Variants in SNTB1 observed in about 807,000 individuals in gnomAD.
SNTB1 encodes the protein syntrophin beta 1.
Under a neutral mutation model 48.9 loss-of-function variants are expected in SNTB1, and 36 were observed. The ratio of observed to expected loss-of-function variants is 0.74; its 90% confidence interval spans 0.56 to 0.97. SNTB1 has a LOEUF of 0.97. Ranked by LOEUF, SNTB1 falls within the 50% of genes least tolerant of loss-of-function variation. The pLI is 0.00. For synonymous variants in SNTB1, 299 were observed against 294.6 expected (o/e 1.01, Z -0.15); for missense variants, 786 against 703.4 (o/e 1.12, Z -1.33).
intron 1 of SNTB1, among the ~76,000 whole-genome samples, chr8:120,788,767 G>T (rs550578819): frequency 6.6e-6 from 1 of 152,068 alleles, no homozygotes; most frequent in African/African-American, 2.4e-5. Flanking sequence ...TATATGAAAA[G>T]AAATAGTCAG....
intron 1 of SNTB1, among the ~76,000 whole-genome samples, chr8:120,712,073 A>G (rs1818472876): frequency 6.6e-6 from 1 of 152,208 alleles, no homozygotes; most frequent in Non-Finnish European, 1.5e-5. Flanking sequence ...GGAATTGTAG[A>G]TTTATAAGTG....
intron 1 of SNTB1, among the ~76,000 whole-genome samples, chr8:120,778,749 T>C (rs895505610): frequency 6.6e-6 from 1 of 152,192 alleles, no homozygotes; most frequent in African/African-American, 2.4e-5. Flanking sequence ...CCTTGACATA[T>C]ATTAACTGCT....
intron 2 of SNTB1, among the ~76,000 whole-genome samples, chr8:120,647,597 A>C (rs1221042972): frequency 3.4e-5 from 5 of 146,896 alleles, no homozygotes; most frequent in Admixed American, 6.7e-5. Flanking sequence ...TATGTGGTCA[A>C]TTTTGGAATA....
At chr8:120,781,795 T>C (rs1819833998) in intron 1 of SNTB1, among the ~76,000 whole-genome samples, 2 of 152,166 alleles carry the variant, frequency 1.3e-5, no homozygotes, top group Admixed American at 1.3e-4. Context: ...ATGTCTAATG[T>C]TAAAGAGAAG....
chr8:120,773,651 G>C (rs746750599), intron 1 of SNTB1, among the ~76,000 whole-genome samples: 1 of 152,126 alleles, frequency 6.6e-6, no homozygotes, highest in Non-Finnish European at 1.5e-5. Context: ...AGCAGGGCAA[G>C]TATGGGAAAA....
intron 3 of SNTB1, among the ~76,000 whole-genome samples, chr8:120,593,223 T>C (rs1203248829): frequency 6.6e-6 from 1 of 152,146 alleles, no homozygotes; most frequent in Non-Finnish European, 1.5e-5. Context: ...ATTCAAAACA[T>C]TTAACAACCG....
At chr8:120,741,473 G>A (rs759619017) in intron 1 of SNTB1, among the ~76,000 whole-genome samples, 6 of 152,162 alleles carry the variant, frequency 3.9e-5, no homozygotes, top group Non-Finnish European at 5.9e-5. Context: ...GCTGGGTCTG[G>A]TGGTGAGCCC....
chr8:120,559,700 C>T (rs1287703315), intron 4 of SNTB1, among the ~76,000 whole-genome samples: 2 of 152,200 alleles, frequency 1.3e-5, no homozygotes, highest in East Asian at 3.8e-4. Context: ...TCAAGAAATG[C>T]TTTTGCATTA....
chr8:120,550,835 A>C (rs1371809074), intron 4 of SNTB1, among the ~76,000 whole-genome samples: 1 of 152,250 alleles, frequency 6.6e-6, no homozygotes, highest in Non-Finnish European at 1.5e-5. Flanking sequence ...TAAGGTAAAA[A>C]TTCATTAAGA....
intron 1 of SNTB1, among the ~76,000 whole-genome samples, chr8:120,795,693 C>A (rs1000320501): frequency 1.2e-4 from 18 of 152,070 alleles, no homozygotes; most frequent in Non-Finnish European, 2.2e-4. Flanking sequence ...TTCATTGTCT[C>A]GCAGTTCTGA....
chr8:120,668,007 A>G (rs1257732246), intron 2 of SNTB1, among the ~76,000 whole-genome samples: 1 of 152,020 alleles, frequency 6.6e-6, no homozygotes, highest in Non-Finnish European at 1.5e-5. Context: ...TTTTGCCTCA[A>G]CTCTGTGTAG....
intron 4 of SNTB1, among the ~76,000 whole-genome samples, chr8:120,574,328 C>A (rs1815912725): frequency 6.6e-6 from 1 of 152,058 alleles, no homozygotes; most frequent in Non-Finnish European, 1.5e-5. Flanking sequence ...TATTATATAC[C>A]TAAAACGTTG....
At chr8:120,713,666 C>T (rs905812674) in intron 1 of SNTB1, among the ~76,000 whole-genome samples, 13 of 152,134 alleles carry the variant, frequency 8.5e-5, no homozygotes, top group African/African-American at 3.1e-4. Context: ...GGAGGCGAAG[C>T]TTGCAGTGAG....
chr8:120,688,050 T>C (rs1215023851), intron 2 of SNTB1, among the ~76,000 whole-genome samples: 1 of 152,126 alleles, frequency 6.6e-6, no homozygotes, highest in Non-Finnish European at 1.5e-5. Flanking sequence ...CTAGCACAGG[T>C]TTTCCATTAG....
intron 1 of SNTB1, among the ~76,000 whole-genome samples, chr8:120,749,858 A>G (rs1819182554): frequency 1.3e-5 from 2 of 152,112 alleles, no homozygotes; most frequent in South Asian, 4.1e-4. Context: ...TCATGAGTCT[A>G]GATTCTGTTT....
At chr8:120,626,040 T>A (rs903619788) in intron 3 of SNTB1, among the ~76,000 whole-genome samples, 3 of 152,154 alleles carry the variant, frequency 2.0e-5, no homozygotes, top group Admixed American at 2.0e-4. Flanking sequence ...CCAGGGCTAT[T>A]TTACATTCAC....
chr8:120,551,748 A>C (rs1302737688), intron 4 of SNTB1, among the ~76,000 whole-genome samples: 1 of 150,926 alleles, frequency 6.6e-6, no homozygotes, highest in Non-Finnish European at 1.5e-5. Flanking sequence ...AAAAAAAAAA[A>C]AGTAAGGTTG....
chr8:120,616,852 A>G (rs1421445537), intron 3 of SNTB1, among the ~76,000 whole-genome samples: 3 of 152,212 alleles, frequency 2.0e-5, no homozygotes, highest in Non-Finnish European at 4.4e-5. Flanking sequence ...ACTTTGCACC[A>G]TGACAACGAG....
intron 4 of SNTB1, among the ~76,000 whole-genome samples, chr8:120,555,102 G>A (rs1815545122): frequency 6.6e-6 from 1 of 152,160 alleles, no homozygotes; most frequent in Non-Finnish European, 1.5e-5. Context: ...AGCCCAATAT[G>A]ACAGTATTTG....
Sources: gnomAD v4.1 joint callset for allele counts (sites outside exome capture counted in the v4.1 genomes callset) on GRCh38, gnomAD v4.1.1 for gene constraint, MANE v1.5 for transcripts, NCBI Gene and HGNC (gene_info 2026-07-23, HGNC 2026-07-21) for gene names.